The following ACOXL variants were observed in gnomAD, a reference collection of about 807,000 sequenced individuals.
ACOXL encodes the protein acyl-CoA oxidase like.
A neutral mutation model predicts 71.9 loss-of-function variants in ACOXL; 70 were observed. The observed-to-expected ratio is 0.97, with a 90% confidence interval of 0.80 to 1.19. ACOXL has a LOEUF of 1.19. Ranked by LOEUF, ACOXL falls within the 50% of genes most tolerant of loss-of-function variation. The pLI, the probability that ACOXL is intolerant of heterozygous loss-of-function variation, is 0.00. For missense variants in ACOXL, 703 were observed against 736.3 expected (o/e 0.95, Z 0.52); for synonymous variants, 253 against 281.6 (o/e 0.90, Z 1.02).
At chr2:110,745,401 T>C (rs1292008412) in intron 1 of ACOXL, among the ~76,000 whole-genome samples, 1 of 152,214 alleles carries the variant, frequency 6.6e-6, no homozygotes, top group Non-Finnish European at 1.5e-5. Context: ...GTCTAGTCAG[T>C]GTCTGCCCAC....
chr2:111,024,296 T>G (rs2064915203), intron 14 of ACOXL, among the ~76,000 whole-genome samples: 2 of 152,210 alleles, frequency 1.3e-5, no homozygotes, highest in Admixed American at 6.5e-5. Flanking sequence ...ATAGGGTCTT[T>G]GCAGATGGAA....
At chr2:110,736,406 G>A (rs1394241601) in intron 1 of ACOXL, among the ~76,000 whole-genome samples, 1 of 151,488 alleles carries the variant, frequency 6.6e-6, no homozygotes, top group East Asian at 1.9e-4. Flanking sequence ...CCCCAGCCCC[G>A]GCAACCCTCA....
intron 10 of ACOXL, among the ~76,000 whole-genome samples, chr2:110,867,920 G>A (rs1224631616): frequency 6.6e-6 from 1 of 151,986 alleles, no homozygotes; most frequent in African/African-American, 2.4e-5. Flanking sequence ...CCACCACCAC[G>A]CTCAGCTAAT....
intron 9 of ACOXL, among the ~76,000 whole-genome samples, chr2:110,837,510 G>C (rs1690603449): frequency 6.6e-6 from 1 of 152,060 alleles, no homozygotes; most frequent in Non-Finnish European, 1.5e-5. Context: ...TCTACGTGGT[G>C]CTTTATAGGG....
At chr2:110,962,529 C>T (rs900314645) in intron 12 of ACOXL, among the ~76,000 whole-genome samples, 7 of 152,152 alleles carry the variant, frequency 4.6e-5, no homozygotes, top group Non-Finnish European at 1.0e-4. Context: ...GAAAGGTGGC[C>T]GGGCCTTCCA....
At chr2:110,888,997 T>G (rs1385636428) in intron 10 of ACOXL, among the ~76,000 whole-genome samples, 7 of 152,226 alleles carry the variant, frequency 4.6e-5, no homozygotes, top group African/African-American at 1.4e-4. Flanking sequence ...ACCAGTAGCT[T>G]TTGTTCAAGA....
chr2:111,086,639 G>A (rs1453007230), intron 16 of ACOXL, among the ~76,000 whole-genome samples: 1 of 152,054 alleles, frequency 6.6e-6, no homozygotes. Context: ...TCGACAAAAG[G>A]CACTGAAGGA....
chr2:110,972,262 A>G (rs1049868471), intron 12 of ACOXL, among the ~76,000 whole-genome samples: 2 of 152,190 alleles, frequency 1.3e-5, no homozygotes, highest in African/African-American at 4.8e-5. Flanking sequence ...GAACACACAC[A>G]AGTGCTCCAA....
intron 10 of ACOXL, among the ~76,000 whole-genome samples, chr2:110,898,853 A>C (rs180820003): frequency 4.6e-5 from 7 of 152,340 alleles, no homozygotes; most frequent in African/African-American, 1.7e-4. Context: ...AGATATCTAC[A>C]AAAAAATCCT....
At chr2:110,986,647 T>C (rs1013975382) in intron 12 of ACOXL, among the ~76,000 whole-genome samples, 3 of 152,198 alleles carry the variant, frequency 2.0e-5, no homozygotes, top group African/African-American at 7.2e-5. Context: ...ATTATAACTT[T>C]AAAGCTGCTG....
chr2:110,803,341 A>G (rs1336588062), intron 8 of ACOXL, among the ~76,000 whole-genome samples: 1 of 152,260 alleles, frequency 6.6e-6, no homozygotes, highest in African/African-American at 2.4e-5. Context: ...AATGGAATAG[A>G]ATGAAGAATC....
At chr2:110,923,665 G>A (rs1360170811) in intron 11 of ACOXL, among the ~76,000 whole-genome samples, 2 of 152,046 alleles carry the variant, frequency 1.3e-5, no homozygotes, top group Non-Finnish European at 2.9e-5. Flanking sequence ...CTGGTGTGGT[G>A]GCTCATGCCT....
At chr2:110,737,073 A>G (rs1238801919) in intron 1 of ACOXL, among the ~76,000 whole-genome samples, 2 of 152,190 alleles carry the variant, frequency 1.3e-5, no homozygotes, top group African/African-American at 4.8e-5. Flanking sequence ...TCATTTTGTT[A>G]TATAAATAGG....
chr2:111,104,417 T>G (rs1227204484), intron 17 of ACOXL, among the ~76,000 whole-genome samples: 1 of 152,184 alleles, frequency 6.6e-6, no homozygotes, highest in African/African-American at 2.4e-5. Context: ...TTACCAAACT[T>G]TTTTTTAGAG....
In ACOXL at chr2:110,810,845, A is replaced by G. The variant is rs770165045; in HGVS notation, c.753+5450A>G. 7.2e-5 allele frequency among the ~76,000 whole-genome samples: 11 copies of G among 152,332 alleles called. No homozygotes were observed. In the East Asian group the frequency reaches 1.5e-3, roughly 21 times the overall value. On this transcript the variant is annotated intron_variant, in intron 9 of 17. Coordinates refer to ENST00000439055, the MANE Select transcript of ACOXL (RefSeq NM_001142807.4). ...AAAGAAAAGATGTTTAATTGACTCAAACTTCAGCATGGCTGGGGAGGCCTT... is the reference window on the plus strand; with the variant it reads ...AAAGAAAAGATGTTTAATTGACTCAGACTTCAGCATGGCTGGGGAGGCCTT...
intron 10 of ACOXL, among the ~76,000 whole-genome samples, chr2:110,844,967 G>T (rs1323214835): frequency 2.0e-5 from 3 of 152,134 alleles, no homozygotes; most frequent in Non-Finnish European, 4.4e-5. Flanking sequence ...AATCCTATTT[G>T]CTTGTTTGGA....
At chr2:110,893,770 T>G (rs2058888997) in intron 10 of ACOXL, among the ~76,000 whole-genome samples, 1 of 152,178 alleles carries the variant, frequency 6.6e-6, no homozygotes, top group African/African-American at 2.4e-5. Flanking sequence ...ATATTCATTA[T>G]CCCTTGATTG....
intron 11 of ACOXL, among the ~76,000 whole-genome samples, chr2:110,918,236 G>A (rs1216861652): frequency 6.6e-6 from 1 of 152,082 alleles, no homozygotes; most frequent in African/African-American, 2.4e-5. Flanking sequence ...ACAGAACAGA[G>A]GCCTCAGAAA....
rs1220614916 is a variant in ACOXL, at chr2:110,842,204, A to G, written c.788+799A>G. Among the ~76,000 whole-genome samples, 3 of 152,320 alleles carry G rather than the reference A, an allele frequency of 2.0e-5. No individual in the cohort carries two copies. In the East Asian group the frequency reaches 5.8e-4, roughly 29 times the overall value. On this transcript the variant is annotated intron_variant, in intron 10 of 17. Coordinates refer to ENST00000439055, the MANE Select transcript of ACOXL (RefSeq NM_001142807.4). ...CAATATACACGTGAATTGGGCAATC[A>G]TAGGCAATACCTGAGAGCTAGAAAG...
Sources: allele counts gnomAD v4.1 joint callset (sites outside exome capture counted in the v4.1 genomes callset), GRCh38; gene constraint gnomAD v4.1.1; transcripts MANE v1.5; gene names NCBI Gene and HGNC (gene_info 2026-07-23, HGNC 2026-07-21).